The following OSGIN1 variants were observed in gnomAD, a reference collection of about 807,000 sequenced individuals.
OSGIN1 encodes oxidative stress induced growth inhibitor 1, also known as oxidative stress-induced growth inhibitor 1.
OSGIN1 carries 19 observed loss-of-function variants against 20.1 expected under a neutral mutation model. The ratio of observed to expected loss-of-function variants is 0.95; its 90% CI spans 0.66 to 1.39. The LOEUF (loss-of-function observed/expected upper bound fraction) is 1.39, where lower values mean the gene tolerates loss of function less well. OSGIN1 is among the 40% of genes most tolerant of loss of function. The pLI is 0.00. For missense variants in OSGIN1, 820 were observed against 653.0 expected (o/e 1.26, Z -2.79); for synonymous variants, 368 against 297.8 (o/e 1.24, Z -2.43).
intron 5 of OSGIN1, among the ~76,000 whole-genome samples, chr16:83,962,126 G>T (rs1444908928): frequency 6.6e-6 from 1 of 151,970 alleles, no homozygotes; most frequent in Non-Finnish European, 1.5e-5. Flanking sequence ...TTTCACTCCT[G>T]GGGTATTTTT....
intron 5 of OSGIN1, among the ~76,000 whole-genome samples, chr16:83,964,298 T>C (rs1430394596): frequency 7.3e-6 from 1 of 137,104 alleles, no homozygotes; most frequent in Non-Finnish European, 1.5e-5. Context: ...AGTGAGACTC[T>C]GTCTCAAAAA....
intron 5 of OSGIN1, among the ~76,000 whole-genome samples, chr16:83,963,778 C>G (rs1352283219): frequency 2.0e-5 from 3 of 152,092 alleles, no homozygotes. Context: ...AGCCCACAAG[C>G]TGGGTAGATT....
At chr16:83,961,503 C>T (rs942156628) in intron 5 of OSGIN1, among the ~76,000 whole-genome samples, 1 of 152,112 alleles carries the variant, frequency 6.6e-6, no homozygotes, top group African/African-American at 2.4e-5. Flanking sequence ...CAGGGTGGCC[C>T]TCAGCAGTTC....
rs150791768 is a variant in OSGIN1, at chr16:83,965,390, G to A, written c.817G>A (p.Glu273Lys). The change falls in exon 6 of 6, where the codon GAG becomes AAG. Residue 273 changes from glutamate (E) to lysine (K), a missense_variant. Glu to Lys is a moderately conservative substitution (Grantham distance 56). Transcript: ENST00000393306. The stretch of plus-strand genomic sequence containing the variant: ...CATCCACCATGAGCTGTCTGCCCTG[G>A]AGGCCGCCACAAGGGTGGGTGCGGT... ...PFIHHELSAL[E>K]AATRVGAVTP... 8,456 of 1,575,000 alleles carry A rather than the reference G, an allele frequency of 5.4e-3. 40 individuals are homozygous for A. The highest frequency in any genetic ancestry group is 5.8e-3 in the Non-Finnish European group (6,783 of 1,163,504).
rs1462415161 is a variant in OSGIN1 at position 83,957,630 on chromosome 16, C to G, written c.-32-10C>G. The G allele has an allele frequency of 7.0e-7, 1 of 1,430,012 alleles. No homozygotes were observed. Among genetic ancestry groups the G allele is most frequent in the African/African-American group, 1.4e-5 (1 of 71,066 alleles). 88.6% of individuals were successfully genotyped at this position (1,430,012 alleles called of 1,614,324 possible). A position where few individuals can be genotyped will look rare whatever the true frequency, so the allele number is the denominator to read the frequency against. On this transcript the variant is annotated splice_polypyrimidine_tract_variant and intron_variant, in intron 1 of 5. Coordinates refer to ENST00000393306, the MANE Select transcript of OSGIN1 (RefSeq NM_182981.3). ...GAATGGACTCTTCCTTCCCCTCTCC[C>G]CCACTCCAGGTCCGCTGCCAGCCCC...
rs773722063 is a variant in OSGIN1 at position 83,959,234 on chromosome 16, C to CT, written c.68-23dup. On this transcript the variant is annotated intron_variant, in intron 2 of 5. Transcript: ENST00000393306. The stretch of plus-strand genomic sequence containing the variant: ...GTCCCCCACCTGAAAAGGCCACCCC[C>CT]TTTAACCTCCACCCTCTCTCCCCAG... The CT allele has an allele frequency of 3.7e-6, 6 of 1,608,886 alleles. No individual in the cohort carries two copies. In the South Asian group the frequency reaches 6.6e-5, roughly 18 times the overall value.
In OSGIN1 at chr16:83,960,885, C is replaced by A. The variant is rs558867227; in HGVS notation, c.397-96C>A. On this transcript the variant is annotated intron_variant, in intron 4 of 5. Coordinates refer to ENST00000393306, the MANE Select transcript of OSGIN1 (RefSeq NM_182981.3). ...CCCGCAACCCTGCCTCTCCCTCCTC[C>A]CTCTACCCAGCCCCAGCAAAGGCCT... The A allele has an allele frequency of 3.8e-5, 57 of 1,496,336 alleles. No homozygotes were observed. The South Asian group carries it at 6.4e-4, about 17-fold the overall frequency. The allele number at this position is 1,496,336 out of a possible 1,614,324, so 92.7% of individuals were successfully genotyped here. A position where few individuals can be genotyped will look rare whatever the true frequency, so the allele number is the denominator to read the frequency against.
rs920551476 is a variant in OSGIN1 at position 83,961,198 on chromosome 16, G to A, written c.488+126G>A. 1.3e-5 allele frequency: 9 copies of A among 710,768 alleles called. No individual in the cohort carries two copies. In the African/African-American group the frequency reaches 1.6e-4, roughly 12 times the overall value. The allele number at this position is 710,768 out of a possible 1,614,324, so 44.0% of individuals were successfully genotyped here. A position where few individuals can be genotyped will look rare whatever the true frequency, so the allele number is the denominator to read the frequency against. On this transcript the variant is annotated intron_variant, in intron 5 of 5. Coordinates refer to ENST00000393306, the MANE Select transcript of OSGIN1 (RefSeq NM_182981.3). ...CAAGGTTGAGGACGCGCCCGTGACAGCCTCAGGAAGTCCTAATGACATGTG... is the reference window on the plus strand; with the variant it reads ...CAAGGTTGAGGACGCGCCCGTGACAACCTCAGGAAGTCCTAATGACATGTG...
chr16:83,960,132 A>G (rs1214179566), intron 3 of OSGIN1, among the ~76,000 whole-genome samples: 1 of 152,224 alleles, frequency 6.6e-6, no homozygotes, highest in Non-Finnish European at 1.5e-5. Context: ...CTAGTTCCTC[A>G]GTATAATATA....
intron 1 of OSGIN1, 55 bp downstream of exon 1, chr16:83,953,425 C>A (rs1161366001): frequency 7.8e-7 from 1 of 1,278,124 alleles, no homozygotes; most frequent in Non-Finnish European, 1.0e-6. Context: ...CCCAGGCACC[C>A]GTGGCAAGCC....
rs1390423609 is a variant in OSGIN1, at chr16:83,965,705, C to T, written c.1132C>T (p.Gln378Ter). The change falls in exon 6 of 6, where the codon CAG (glutamine) becomes TAG (stop). Residue 378 changes from glutamine to a stop codon, truncating the protein, a stop_gained. Coordinates refer to ENST00000393306, the MANE Select transcript of OSGIN1 (RefSeq NM_182981.3). LOFTEE classifies it low-confidence loss of function (END_TRUNC). ...CFKEDCQAVF[Q>*]DLEGVEKVFG... is the part of the protein sequence containing the mutation. ...CAAGGAAGACTGCCAGGCCGTGTTC[C>T]AGGACCTCGAGGGTGTCGAGAAGGT... 1.4e-5 allele frequency: 23 copies of T among 1,613,560 alleles called. No homozygotes were observed. In the Admixed American group the frequency reaches 3.7e-4, roughly 26 times the overall value.
chr16:83,966,064 C>A lies in OSGIN1; in HGVS notation c.*57C>A. The A allele has an allele frequency of 7.5e-7, 1 of 1,333,636 alleles. No homozygotes were observed. The highest frequency in any genetic ancestry group is 1.0e-6 in the Non-Finnish European group (1 of 997,978). 82.6% of individuals were successfully genotyped at this position (1,333,636 alleles called of 1,614,324 possible). On this transcript the variant is annotated 3_prime_UTR_variant, in exon 6 of 6. Transcript: ENST00000393306. ...TGAGAGGACAGAGATGACCACATCC[C>A]TGCTGGATGCAGGACCCGTCCAAAG...
intron 1 of OSGIN1, chr16:83,954,073 C>G (rs933242186): frequency 2.6e-5 from 4 of 152,324 alleles, no homozygotes; most frequent in African/African-American, 7.2e-5. Context: ...CTTGGCAGAA[C>G]TAAGATTTGT....
In OSGIN1 at chr16:83,960,625, G is replaced by C; in HGVS notation, c.261G>C (p.Leu87=). ...LEGRSQSPVA[L]LFDALLRPDT... ...GCCGATCCCAAAGCCCCGTGGCCCT[G>C]CTCTTTGATGCCCTTCTACGCCCAG... Residue 87 remains leucine, a synonymous_variant, in exon 4 of 6, where the codon CTG becomes CTC. Coordinates refer to ENST00000393306, the MANE Select transcript of OSGIN1 (RefSeq NM_182981.3). 6.2e-7 allele frequency: 1 copy of C among 1,613,544 alleles called. No homozygotes were observed. The highest frequency in any genetic ancestry group is 1.1e-5 in the South Asian group (1 of 91,092).
At chr16:83,963,851 T>C (rs905023299) in intron 5 of OSGIN1, among the ~76,000 whole-genome samples, 5 of 148,734 alleles carry the variant, frequency 3.4e-5, no homozygotes, top group African/African-American at 1.2e-4. Flanking sequence ...AGCCTGTCAT[T>C]CAACCGCCAC....
chr16:83,957,605 G>C, intron 1 of OSGIN1, 35 bp from the exon 2 acceptor site: 1 of 1,101,968 alleles, frequency 9.1e-7, no homozygotes. Context: ...GGCCTCACCC[G>C]AATGGACTCT....
intron 1 of OSGIN1, 29 bp downstream of exon 1, chr16:83,953,399 A>G (rs1358594923): frequency 7.8e-7 from 1 of 1,287,990 alleles, no homozygotes; most frequent in African/African-American, 1.5e-5. Context: ...GTTCCGGGGC[A>G]GGGAATCAGG....
chr16:83,960,768 G>A lies in OSGIN1; in HGVS notation c.396+8G>A. 1.2e-6 allele frequency: 2 copies of A among 1,611,954 alleles called. No individual in the cohort carries two copies. The highest frequency in any genetic ancestry group is 1.7e-6 in the Non-Finnish European group (2 of 1,179,404). ...CCCGGGGGAGCCTGGCACGTGAGTGGGGCAGCGAGGGCATGGCTTGTGGGG... is the reference window on the plus strand; with the variant it reads ...CCCGGGGGAGCCTGGCACGTGAGTGAGGCAGCGAGGGCATGGCTTGTGGGG... On this transcript the variant is annotated splice_region_variant and intron_variant, in intron 4 of 5. Transcript: ENST00000393306.
chr16:83,962,761 G>A (rs2084231331), intron 5 of OSGIN1, among the ~76,000 whole-genome samples: 1 of 152,244 alleles, frequency 6.6e-6, no homozygotes, highest in Admixed American at 6.5e-5. Flanking sequence ...ACAGGTGAGA[G>A]ACAAACGGTT....
Sources: gnomAD v4.1 joint callset for allele counts (sites outside exome capture counted in the v4.1 genomes callset) on GRCh38, gnomAD v4.1.1 for gene constraint, MANE v1.5 for transcripts, NCBI Gene and HGNC (gene_info 2026-07-23, HGNC 2026-07-21) for gene names.